TTBK2: variants seen among roughly 807,000 people sequenced by gnomAD.
TTBK2 encodes the protein tau tubulin kinase 2.
A neutral mutation model predicts 110.8 loss-of-function variants in TTBK2; 28 were observed. That is an observed-to-expected ratio of 0.25 (90% CI 0.19 to 0.35). TTBK2 has a LOEUF of 0.35. Among genes scored for constraint, TTBK2 ranks in the 10% least tolerant of loss-of-function variants. The pLI, the probability that TTBK2 is intolerant of heterozygous loss-of-function variation, is 1.00. For synonymous variants in TTBK2, 532 were observed against 527.3 expected (o/e 1.01, Z -0.12); for missense variants, 1,369 against 1,500.3 (o/e 0.91, Z 1.45).
rs2061739830 is a variant in TTBK2, at chr15:42,739,867, G to A, written c.*5928C>T. The A allele has an allele frequency of 1.3e-5, 2 of 152,168 alleles. No individual in the cohort carries two copies. Among genetic ancestry groups the A allele is most frequent in the African/African-American group, 4.8e-5 (2 of 41,444 alleles). 9.4% of individuals were successfully genotyped at this position (152,168 alleles called of 1,614,324 possible). A position where few individuals can be genotyped will look rare whatever the true frequency, so the allele number is the denominator to read the frequency against. ...GAGTTCAGATGTGGTGAAATGCTGG[G>A]CATTGATTCCTCAGGATTTAAACTG... On this transcript the variant is annotated 3_prime_UTR_variant, in exon 15 of 15. Transcript: ENST00000267890.
intron 1 of TTBK2, among the ~76,000 whole-genome samples, chr15:42,881,826 G>A (rs1669494573): frequency 6.6e-6 from 1 of 151,534 alleles, no homozygotes; most frequent in East Asian, 1.9e-4. Context: ...AGCCAAGATC[G>A]CACCATTGCA....
At chr15:42,917,764 C>T (rs186128500) in intron 1 of TTBK2, among the ~76,000 whole-genome samples, 1 of 151,362 alleles carries the variant, frequency 6.6e-6, no homozygotes, top group East Asian at 1.9e-4. Flanking sequence ...AGGTATATTG[C>T]AATATTACTA....
Position 42,775,589 on chromosome 15 carries a change from G to C in TTBK2, c.1544C>G (p.Ala515Gly). The change falls in exon 13 of 15, where the codon GCC becomes GGC. Residue 515 changes from alanine (A) to glycine (G), a missense_variant. Around this residue, in one of 4 missense-constraint regions of TTBK2, gnomAD observed 1,097 missense variants for 1,114.7 expected, o/e 0.98. Coordinates refer to ENST00000267890, the MANE Select transcript of TTBK2 (RefSeq NM_173500.4). ...WHYDEEYLPD[A>G]SKPASANTPE... ...GGTGTTGGCAGAAGCAGGCTTGGAG[G>C]CATCTGGAAGATATTCTTCATCATA... 6.2e-7 allele frequency: 1 copy of C among 1,614,126 alleles called. No individual in the cohort carries two copies. Among genetic ancestry groups the C allele is most frequent in the Non-Finnish European group, 8.5e-7 (1 of 1,180,024 alleles).
intron 3 of TTBK2, among the ~76,000 whole-genome samples, chr15:42,843,381 G>C (rs1271710833): frequency 6.6e-6 from 1 of 152,184 alleles, no homozygotes; most frequent in South Asian, 2.1e-4. Context: ...TAAGGTTTAG[G>C]TATAAATAAT....
At chr15:42,760,471 C>A (rs1181037113) in intron 13 of TTBK2, among the ~76,000 whole-genome samples, 1 of 151,090 alleles carries the variant, frequency 6.6e-6, no homozygotes, top group Non-Finnish European at 1.5e-5. Flanking sequence ...CTAGACCAGG[C>A]AGAATTTCTG....
chr15:42,900,980 A>G (rs1201850075), intron 1 of TTBK2, among the ~76,000 whole-genome samples: 1 of 152,210 alleles, frequency 6.6e-6, no homozygotes, highest in Non-Finnish European at 1.5e-5. Flanking sequence ...ATGTAAAAGA[A>G]AAAAGATGGA....
intron 1 of TTBK2, among the ~76,000 whole-genome samples, chr15:42,899,324 A>G (rs1010787488): frequency 3.3e-5 from 5 of 151,830 alleles, no homozygotes; most frequent in African/African-American, 4.8e-5. Flanking sequence ...AAACATAAAA[A>G]GTTTCTCACA....
chr15:42,890,371 T>A (rs1895409129), intron 1 of TTBK2, among the ~76,000 whole-genome samples: 1 of 152,220 alleles, frequency 6.6e-6, no homozygotes, highest in African/African-American at 2.4e-5. Context: ...TATCCATATG[T>A]TGTGAGGGTA....
chr15:42,818,457 C>T (rs559744337), intron 6 of TTBK2, among the ~76,000 whole-genome samples: 1 of 152,208 alleles, frequency 6.6e-6, no homozygotes, highest in Admixed American at 6.5e-5. Flanking sequence ...TGGTGGCTCA[C>T]GCCTGTAATC....
At chr15:42,806,218 C>T (rs1188460403) in intron 9 of TTBK2, among the ~76,000 whole-genome samples, 17 of 151,436 alleles carry the variant, frequency 1.1e-4, no homozygotes, top group Admixed American at 1.1e-3. Context: ...GAGCCGAGAT[C>T]ACACCACTGC....
chr15:42,761,419 T>C (rs1373855095), intron 13 of TTBK2, among the ~76,000 whole-genome samples: 1 of 150,366 alleles, frequency 6.7e-6, no homozygotes, highest in African/African-American at 2.5e-5. Flanking sequence ...ATCTACAAAC[T>C]ATTCATCTAA....
At chr15:42,755,694 C>T (rs1389934065) in intron 13 of TTBK2, among the ~76,000 whole-genome samples, 1 of 152,162 alleles carries the variant, frequency 6.6e-6, no homozygotes, top group Non-Finnish European at 1.5e-5. Flanking sequence ...GAAGTTATCT[C>T]ATATTTCTGT....
intron 13 of TTBK2, among the ~76,000 whole-genome samples, chr15:42,760,896 C>T (rs577020894): frequency 6.6e-6 from 1 of 152,022 alleles, no homozygotes; most frequent in Non-Finnish European, 1.5e-5. Flanking sequence ...GAAAACAAAA[C>T]AAAAGTTGGA....
chr15:42,774,363 G>A (rs545099260), intron 13 of TTBK2, among the ~76,000 whole-genome samples: 8 of 152,248 alleles, frequency 5.3e-5, no homozygotes, highest in African/African-American at 1.9e-4. Context: ...TCATGGCTTT[G>A]CTTGGCCATC....
intron 9 of TTBK2, among the ~76,000 whole-genome samples, chr15:42,804,008 CA>C (rs781131720): frequency 0.014 from 714 of 50,930 alleles, 1 homozygote; most frequent in African/African-American, 0.029. Context: ...GCGAGGAGTG[CA>C]AAAAAAAAAA....
intron 1 of TTBK2, among the ~76,000 whole-genome samples, chr15:42,897,999 G>A (rs1465992363): frequency 6.6e-6 from 1 of 152,060 alleles, no homozygotes; most frequent in Non-Finnish European, 1.5e-5. Context: ...AAATCAGCCT[G>A]GAAAACTTGG....
At chr15:42,826,645 C>A (rs977093246) in intron 6 of TTBK2, among the ~76,000 whole-genome samples, 1 of 152,162 alleles carries the variant, frequency 6.6e-6, no homozygotes, top group Non-Finnish European at 1.5e-5. Flanking sequence ...GTTTCTGTAC[C>A]TCAAATTTTC....
intron 9 of TTBK2, among the ~76,000 whole-genome samples, chr15:42,809,534 C>T (rs898150320): frequency 6.6e-6 from 1 of 152,168 alleles, no homozygotes; most frequent in Non-Finnish European, 1.5e-5. Flanking sequence ...CCTCTTGAAT[C>T]TAGTCTTACA....
intron 13 of TTBK2, among the ~76,000 whole-genome samples, chr15:42,763,117 TAC>T (rs527717082): frequency 1.0e-4 from 11 of 108,120 alleles, no homozygotes; most frequent in African/African-American, 3.6e-4. Flanking sequence ...TATATATATA[TAC>T]ACATATATAT....
Sources: allele counts gnomAD v4.1 joint callset (sites outside exome capture counted in the v4.1 genomes callset), GRCh38; gene constraint gnomAD v4.1.1; regional missense constraint gnomAD v4.1.1; transcripts MANE v1.5; gene names NCBI Gene and HGNC (gene_info 2026-07-23, HGNC 2026-07-21).